SCG5: variants seen among roughly 807,000 people sequenced by gnomAD.
SCG5 encodes neuroendocrine protein 7B2.
SCG5 carries 18 observed loss-of-function variants against 25.7 expected under a neutral mutation model. The ratio of observed to expected loss-of-function variants is 0.70; its 90% CI spans 0.48 to 1.04. SCG5 has a LOEUF of 1.04. Ranked by LOEUF, SCG5 falls within the 50% of genes least tolerant of loss-of-function variation. SCG5 has a pLI of 0.00. For synonymous variants in SCG5, 101 were observed against 91.7 expected (o/e 1.10, Z -0.58); for missense variants, 206 against 259.8 (o/e 0.79, Z 1.42).
At chr15:32,670,648 C>T (rs190184758) in intron 2 of SCG5, among the ~76,000 whole-genome samples, 10 of 152,270 alleles carry the variant, frequency 6.6e-5, no homozygotes, top group African/African-American at 1.7e-4. Context: ...TTCTCTTCTC[C>T]GCTAGTGCTC....
chr15:32,684,802 T>G, intron 4 of SCG5, 133 bp downstream of exon 4: 1 of 641,154 alleles, frequency 1.6e-6, no homozygotes, highest in South Asian at 1.9e-5. Flanking sequence ...AATCTCTGGT[T>G]GACAGAGCTT....
At chr15:32,686,246 A>G (rs549215619) in intron 4 of SCG5, among the ~76,000 whole-genome samples, 5 of 152,328 alleles carry the variant, frequency 3.3e-5, no homozygotes, top group Non-Finnish European at 7.3e-5. Flanking sequence ...AAAAACATCT[A>G]TAGGTTCTCG....
intron 2 of SCG5, among the ~76,000 whole-genome samples, chr15:32,652,066 A>G (rs186024743): frequency 6.6e-6 from 1 of 152,334 alleles, no homozygotes; most frequent in Admixed American, 6.5e-5. Flanking sequence ...GCCAGAAAGG[A>G]GAAGAACCAG....
At chr15:32,676,683 C>T (rs2140563733) in intron 2 of SCG5, among the ~76,000 whole-genome samples, 1 of 152,228 alleles carries the variant, frequency 6.6e-6, no homozygotes, top group East Asian at 1.9e-4. Flanking sequence ...CAGAAAGATA[C>T]AGAAAGGTTA....
At chr15:32,665,479 A>C (rs2054303737) in intron 2 of SCG5, among the ~76,000 whole-genome samples, 1 of 151,962 alleles carries the variant, frequency 6.6e-6, no homozygotes, top group South Asian at 2.1e-4. Context: ...CATTCATTTT[A>C]TGTCATTTTT....
chr15:32,652,603 A>G (rs1189363510), intron 2 of SCG5, among the ~76,000 whole-genome samples: 1 of 152,144 alleles, frequency 6.6e-6, no homozygotes, highest in African/African-American at 2.4e-5. Context: ...TTGGGGAAAA[A>G]GGAAAGTGGC....
At chr15:32,655,711 T>C (rs1394987751) in intron 2 of SCG5, among the ~76,000 whole-genome samples, 1 of 152,230 alleles carries the variant, frequency 6.6e-6, no homozygotes. Flanking sequence ...CATGCCCTTA[T>C]GAAAGAGGCC....
chr15:32,683,693 C>A (rs537494959), intron 3 of SCG5, among the ~76,000 whole-genome samples: 3 of 152,286 alleles, frequency 2.0e-5, no homozygotes, highest in South Asian at 4.1e-4. Context: ...TTGGAGAGAC[C>A]AAGTTAACTT....
chr15:32,643,457 G>T (rs2053897072), intron 1 of SCG5, 129 bp from the exon 2 acceptor site: 5 of 703,654 alleles, frequency 7.1e-6, no homozygotes, highest in Non-Finnish European at 9.9e-6. Context: ...AACCTCCTAA[G>T]GATTCTTTGT....
intron 5 of SCG5, among the ~76,000 whole-genome samples, chr15:32,695,666 G>T (rs2054944715): frequency 6.6e-6 from 1 of 151,984 alleles, no homozygotes; most frequent in African/African-American, 2.4e-5. Context: ...GTAAAATACT[G>T]GCGAGGAAGA....
Position 32,691,603 on chromosome 15 carries a change from C to T in SCG5, c.490-107C>T, listed in dbSNP as rs78625732. The stretch of plus-strand genomic sequence containing the variant: ...CATCTAGTTTTGTTTCCAAAATATG[C>T]GTATGCAAATATCTAGGGGACACAC... On this transcript the variant is annotated intron_variant, in intron 4 of 5. Transcript: ENST00000300175. The T allele has an allele frequency of 5.1e-5, 42 of 829,776 alleles. 1 individual carries two copies. The highest frequency in any genetic ancestry group is 4.5e-4 in the South Asian group (28 of 62,304). The allele number at this position is 829,776 out of a possible 1,614,324, so 51.4% of individuals were successfully genotyped here. A position where few individuals can be genotyped will look rare whatever the true frequency, so the allele number is the denominator to read the frequency against.
At chr15:32,656,691 G>C (rs2054122806) in intron 2 of SCG5, among the ~76,000 whole-genome samples, 1 of 152,230 alleles carries the variant, frequency 6.6e-6, no homozygotes, top group African/African-American at 2.4e-5. Flanking sequence ...TGGTGTTTCA[G>C]AGATGTGCCG....
chr15:32,651,821 T>C (rs2054035124), intron 2 of SCG5, among the ~76,000 whole-genome samples: 1 of 152,212 alleles, frequency 6.6e-6, no homozygotes, highest in Non-Finnish European at 1.5e-5. Context: ...ATGAACACGA[T>C]GACATGTTTG....
intron 2 of SCG5, among the ~76,000 whole-genome samples, chr15:32,664,720 T>G (rs1364511505): frequency 6.6e-6 from 1 of 152,188 alleles, no homozygotes; most frequent in Non-Finnish European, 1.5e-5. Flanking sequence ...TGCTGCTAGG[T>G]TCTTCTGTTT....
intron 5 of SCG5, among the ~76,000 whole-genome samples, chr15:32,695,357 C>T (rs2054939177): frequency 6.6e-6 from 1 of 152,092 alleles, no homozygotes; most frequent in Admixed American, 6.6e-5. Flanking sequence ...TGGAAGGCAA[C>T]TTCAATGAAC....
intron 2 of SCG5, among the ~76,000 whole-genome samples, chr15:32,659,075 C>T (rs1046244438): frequency 6.6e-6 from 1 of 152,062 alleles, no homozygotes; most frequent in Non-Finnish European, 1.5e-5. Context: ...ACTCGGGAGG[C>T]TGAGGCAGGA....
At chr15:32,662,973 G>A (rs1443049474) in intron 2 of SCG5, among the ~76,000 whole-genome samples, 1 of 147,748 alleles carries the variant, frequency 6.8e-6, no homozygotes, top group Admixed American at 6.9e-5. Flanking sequence ...TCATGAGTTG[G>A]TGCACGTGTG....
chr15:32,650,396 C>T (rs1257241193), intron 2 of SCG5, among the ~76,000 whole-genome samples: 3 of 152,184 alleles, frequency 2.0e-5, no homozygotes, highest in South Asian at 2.1e-4. Flanking sequence ...CCACCACGCC[C>T]GGCGCCCCAG....
intron 4 of SCG5, among the ~76,000 whole-genome samples, chr15:32,685,799 G>T (rs1161113648): frequency 6.6e-6 from 1 of 152,188 alleles, no homozygotes; most frequent in Non-Finnish European, 1.5e-5. Flanking sequence ...ACAGTAGGTG[G>T]CCAGTACGTC....
Sources: allele counts gnomAD v4.1 joint callset (sites outside exome capture counted in the v4.1 genomes callset), GRCh38; gene constraint gnomAD v4.1.1; transcripts MANE v1.5; gene names NCBI Gene and HGNC (gene_info 2026-07-23, HGNC 2026-07-21).